CDH8: variants seen among roughly 807,000 people sequenced by gnomAD.
CDH8 encodes the protein cadherin-8.
In CDH8, 17 loss-of-function variants were observed where a neutral mutation model predicts 68.1. The ratio of observed to expected loss-of-function variants is 0.25; its 90% CI spans 0.17 to 0.37. The LOEUF (loss-of-function observed/expected upper bound fraction) is 0.37. Ranked by LOEUF, CDH8 falls within the 10% of genes least tolerant of loss-of-function variation. CDH8 has a pLI of 1.00. For synonymous variants in CDH8, 372 were observed against 365.1 expected (o/e 1.02, Z -0.21); for missense variants, 763 against 999.3 (o/e 0.76, Z 3.19).
chr16:61,885,624 T>C (rs1963658455), intron 3 of CDH8, among the ~76,000 whole-genome samples: 2 of 150,434 alleles, frequency 1.3e-5, no homozygotes, highest in African/African-American at 2.4e-5. Context: ...GTGTTACATA[T>C]ACATAAACGT....
intron 2 of CDH8, among the ~76,000 whole-genome samples, chr16:61,971,846 A>G (rs1360786189): frequency 1.3e-5 from 2 of 152,240 alleles, no homozygotes; most frequent in Non-Finnish European, 2.9e-5. Flanking sequence ...TATGCCAGGA[A>G]ATGAGGATGA....
At chr16:61,927,016 T>G (rs1964466422) in intron 2 of CDH8, among the ~76,000 whole-genome samples, 1 of 152,180 alleles carries the variant, frequency 6.6e-6, no homozygotes, top group Non-Finnish European at 1.5e-5. Context: ...CAGTTAGCCT[T>G]GGAGATCATT....
intron 2 of CDH8, among the ~76,000 whole-genome samples, chr16:61,990,892 GGAGAAGGAAGGAAGGAAAAGGAAGGA>G (rs1965705350): frequency 6.8e-6 from 1 of 146,842 alleles, no homozygotes; most frequent in Non-Finnish European, 1.5e-5. Flanking sequence ...AAAGAAGGAA[GGAGAAGGAAGGAAGGAAAAGGAAGGA>G]GGGAAGGAAG....
intron 2 of CDH8, among the ~76,000 whole-genome samples, chr16:62,008,142 G>A (rs1038309827): frequency 2.0e-5 from 3 of 151,848 alleles, no homozygotes; most frequent in African/African-American, 7.3e-5. Context: ...TTGCTGTGTT[G>A]CCCAGTCTGG....
intron 2 of CDH8, among the ~76,000 whole-genome samples, chr16:61,925,338 C>T (rs1184346729): frequency 6.6e-6 from 1 of 152,148 alleles, no homozygotes; most frequent in Non-Finnish European, 1.5e-5. Flanking sequence ...CACTGAGAAG[C>T]TAATGGCAAT....
chr16:61,865,276 G>A (rs1362367809), intron 3 of CDH8, among the ~76,000 whole-genome samples: 1 of 152,176 alleles, frequency 6.6e-6, no homozygotes, highest in Non-Finnish European at 1.5e-5. Context: ...TTATTCTGGA[G>A]AATTTAGGGA....
At chr16:61,914,826 T>G (rs1852926644) in intron 2 of CDH8, among the ~76,000 whole-genome samples, 1 of 151,880 alleles carries the variant, frequency 6.6e-6, no homozygotes, top group African/African-American at 2.4e-5. Context: ...GATCCAGATT[T>G]TCCCCAGAGG....
intron 10 of CDH8, among the ~76,000 whole-genome samples, chr16:61,711,359 A>G (rs1964627155): frequency 6.6e-6 from 1 of 151,864 alleles, no homozygotes; most frequent in Non-Finnish European, 1.5e-5. Context: ...TAGGAGACAA[A>G]CTTATTCATC....
At chr16:61,665,049 C>T (rs1052472146) in intron 10 of CDH8, among the ~76,000 whole-genome samples, 1 of 151,912 alleles carries the variant, frequency 6.6e-6, no homozygotes, top group Admixed American at 6.6e-5. Context: ...CCTCAGTTTG[C>T]CTGCATTTGG....
intron 2 of CDH8, among the ~76,000 whole-genome samples, chr16:61,984,553 T>C (rs1374451137): frequency 6.6e-6 from 1 of 151,922 alleles, no homozygotes; most frequent in Non-Finnish European, 1.5e-5. Flanking sequence ...AGCCTCCAGG[T>C]AGCTAGGATC....
chr16:62,001,845 T>C (rs1030947268), intron 2 of CDH8, among the ~76,000 whole-genome samples: 4 of 152,172 alleles, frequency 2.6e-5, no homozygotes, highest in Non-Finnish European at 1.5e-5. Flanking sequence ...TGGTTTTGAC[T>C]GTGAATTCTT....
intron 2 of CDH8, among the ~76,000 whole-genome samples, chr16:61,916,708 A>C (rs1964244272): frequency 6.6e-6 from 1 of 152,124 alleles, no homozygotes; most frequent in African/African-American, 2.4e-5. Context: ...AAGGAGAGGG[A>C]ATAAAAGTGG....
chr16:61,931,412 G>C (rs1038735485), intron 2 of CDH8, among the ~76,000 whole-genome samples: 4 of 152,156 alleles, frequency 2.6e-5, no homozygotes, highest in Non-Finnish European at 5.9e-5. Flanking sequence ...CTGGCTTCAA[G>C]TGATCCTTCC....
At position 61,965,038 on chromosome 16, in the gene CDH8, G is replaced by T. The variant is rs577555117; in HGVS notation, c.252+56114C>A. ...TACCCCAAGGCCTTTGCTACATGCT[G>T]GTTTTTATATCTGAATTTCTTTTTC... On this transcript the variant is annotated intron_variant, in intron 2 of 11. Coordinates refer to ENST00000577390, the MANE Select transcript of CDH8 (RefSeq NM_001796.5). 4.6e-5 allele frequency among the ~76,000 whole-genome samples: 7 copies of T among 152,128 alleles called. 1 individual carries two copies. Among genetic ancestry groups the T allele is most frequent in the African/African-American group, 1.7e-4 (7 of 41,520 alleles).
intron 10 of CDH8, among the ~76,000 whole-genome samples, chr16:61,700,093 A>C (rs900136388): frequency 6.6e-6 from 1 of 152,170 alleles, no homozygotes; most frequent in East Asian, 1.9e-4. Flanking sequence ...TCTCATTAAC[A>C]GTATCTTACA....
At chr16:61,937,194 TTTAA>T (rs1964640782) in intron 2 of CDH8, among the ~76,000 whole-genome samples, 2 of 152,208 alleles carry the variant, frequency 1.3e-5, no homozygotes, top group Admixed American at 6.5e-5. Context: ...AATATAAATC[TTTAA>T]TTAGTATACT....
chr16:61,919,587 A>G (rs1597065903), intron 2 of CDH8, among the ~76,000 whole-genome samples: 1 of 150,922 alleles, frequency 6.6e-6, no homozygotes, highest in South Asian at 2.1e-4. Flanking sequence ...GAAATGAATG[A>G]AATGAAGTGA....
At chr16:62,004,779 A>G (rs1417457136) in intron 2 of CDH8, among the ~76,000 whole-genome samples, 1 of 152,220 alleles carries the variant, frequency 6.6e-6, no homozygotes, top group Non-Finnish European at 1.5e-5. Context: ...CAAATTAAGT[A>G]TCTGCATTCA....
chr16:61,696,243 G>A (rs570472330), intron 10 of CDH8, among the ~76,000 whole-genome samples: 1 of 152,228 alleles, frequency 6.6e-6, no homozygotes, highest in South Asian at 2.1e-4. Flanking sequence ...GCTTTAAAAC[G>A]GACCTTCCTC....
Sources: allele counts gnomAD v4.1 joint callset (sites outside exome capture counted in the v4.1 genomes callset), GRCh38; gene constraint gnomAD v4.1.1; transcripts MANE v1.5; gene names NCBI Gene and HGNC (gene_info 2026-07-23, HGNC 2026-07-21).